SYNPR: variants seen among roughly 807,000 people sequenced by gnomAD.
SYNPR encodes synaptoporin.
In SYNPR, 23 loss-of-function variants were observed where a neutral mutation model predicts 32.9. The ratio of observed to expected loss-of-function variants is 0.70; its 90% confidence interval spans 0.50 to 0.99. The LOEUF (loss-of-function observed/expected upper bound fraction) is 0.99, where lower values mean the gene tolerates loss of function less well. Among genes scored for constraint, SYNPR ranks in the 50% least tolerant of loss-of-function variants. The pLI is 0.00. For synonymous variants in SYNPR, 146 were observed against 135.9 expected (o/e 1.07, Z -0.52); for missense variants, 318 against 349.3 (o/e 0.91, Z 0.71).
upstream of SYNPR, among the ~76,000 whole-genome samples, chr3:63,227,881 G>A (rs11922540): frequency 1.9e-3 from 287 of 152,258 alleles, 1 homozygote; most frequent in African/African-American, 6.3e-3. Context: ...AACTGAGCTC[G>A]TGCTGTCACA....
At chr3:63,266,724 A>C (rs1182369476) in intron 2 of SYNPR, among the ~76,000 whole-genome samples, 1 of 150,830 alleles carries the variant, frequency 6.6e-6, no homozygotes. Context: ...AAAAACACAA[A>C]AAACCACAAA....
chr3:63,343,083 A>G (rs1288083855), intron 2 of SYNPR, among the ~76,000 whole-genome samples: 1 of 152,194 alleles, frequency 6.6e-6, no homozygotes, highest in Non-Finnish European at 1.5e-5. Flanking sequence ...CAGAGGGAGA[A>G]GTTAGTACAA....
intron 3 of SYNPR, among the ~76,000 whole-genome samples, chr3:63,489,442 G>A (rs900100134): frequency 1.3e-5 from 2 of 152,168 alleles, no homozygotes; most frequent in African/African-American, 4.8e-5. Flanking sequence ...GAAATGGTGA[G>A]AACAAGAGAG....
chr3:63,273,608 T>G (rs1033682618), upstream of SYNPR, among the ~76,000 whole-genome samples: 2 of 152,220 alleles, frequency 1.3e-5, no homozygotes, highest in Non-Finnish European at 2.9e-5. Context: ...AAAAATCTAT[T>G]TCATTTGAAA....
intron 3 of SYNPR, among the ~76,000 whole-genome samples, chr3:63,518,406 G>A (rs1304907225): frequency 6.6e-6 from 1 of 152,172 alleles, no homozygotes; most frequent in East Asian, 1.9e-4. Context: ...TTGTTTATGG[G>A]CTCTAACTGT....
intron 4 of SYNPR, among the ~76,000 whole-genome samples, chr3:63,596,905 A>G (rs1488617995): frequency 1.3e-5 from 2 of 152,200 alleles, no homozygotes; most frequent in Non-Finnish European, 2.9e-5. Context: ...GTGGTTATTG[A>G]GCACTGAAAT....
At chr3:63,287,516 G>A (rs75852733) in intron 2 of SYNPR, among the ~76,000 whole-genome samples, 4,253 of 152,154 alleles carry the variant, frequency 0.028, 173 homozygotes, top group African/African-American at 0.096. Flanking sequence ...CAGGGATCTT[G>A]TTGGTCCTGC....
At chr3:63,594,277 G>A (rs1315351983) in intron 4 of SYNPR, among the ~76,000 whole-genome samples, 1 of 152,084 alleles carries the variant, frequency 6.6e-6, no homozygotes, top group Admixed American at 6.6e-5. Context: ...TAGCAGCTTA[G>A]TAACTCTGAG....
At chr3:63,557,611 A>G (rs577960222) in intron 4 of SYNPR, among the ~76,000 whole-genome samples, 2 of 152,360 alleles carry the variant, frequency 1.3e-5, no homozygotes, top group South Asian at 4.1e-4. Flanking sequence ...TTGGCTTTCA[A>G]TAAAATTAAA....
At chr3:63,291,852 T>C (rs1384941124) in intron 2 of SYNPR, among the ~76,000 whole-genome samples, 1 of 148,556 alleles carries the variant, frequency 6.7e-6, no homozygotes, top group African/African-American at 2.4e-5. Context: ...CTCTCTCTCA[T>C]GTGCATATAT....
At chr3:63,579,081 C>T (rs1703043957) in intron 4 of SYNPR, among the ~76,000 whole-genome samples, 1 of 152,142 alleles carries the variant, frequency 6.6e-6, no homozygotes, top group South Asian at 2.1e-4. Flanking sequence ...TAAAGTTCAA[C>T]TGCAATTTCC....
At chr3:63,501,339 AATG>A (rs1701474572) in intron 3 of SYNPR, among the ~76,000 whole-genome samples, 1 of 151,766 alleles carries the variant, frequency 6.6e-6, no homozygotes, top group Non-Finnish European at 1.5e-5. Context: ...ATTATCTGAG[AATG>A]GTGGCATGCC....
chr3:63,209,826 T>G, the SYNPR span, among the ~76,000 whole-genome samples: 4 of 152,196 alleles, frequency 2.6e-5, no homozygotes, highest in African/African-American at 9.7e-5. Flanking sequence ...AATAGCTAAT[T>G]AGGCAATTAG....
At chr3:63,253,802 C>A (rs2086358259) in intron 2 of SYNPR, among the ~76,000 whole-genome samples, 1 of 152,122 alleles carries the variant, frequency 6.6e-6, no homozygotes, top group African/African-American at 2.4e-5. Context: ...TTTGACCCAG[C>A]CATCTCATTA....
intron 3 of SYNPR, among the ~76,000 whole-genome samples, chr3:63,535,011 A>G (rs1011294177): frequency 1.1e-4 from 17 of 152,194 alleles, no homozygotes; most frequent in African/African-American, 4.1e-4. Context: ...AGCCAATCAT[A>G]TCAGAACCCA....
Position 63,357,269 on chromosome 3 carries a change from C to A in SYNPR, c.84+78527C>A, listed in dbSNP as rs544364962. ...TTGAGACCAGAGACCCCTCCCACCC[C>A]AGACGTCCCCTTACCAACATCTCAG... On this transcript the variant is annotated intron_variant, in intron 2 of 5. Coordinates refer to ENST00000478300, the MANE Select transcript of SYNPR (RefSeq NM_001130003.2). Among the ~76,000 whole-genome samples, 7 of 152,256 alleles carry A rather than the reference C, an allele frequency of 4.6e-5. No individual in the cohort carries two copies. In the South Asian group the frequency reaches 1.5e-3, roughly 32 times the overall value.
At chr3:63,611,714 T>C (rs1050737637) in intron 5 of SYNPR, among the ~76,000 whole-genome samples, 1 of 152,206 alleles carries the variant, frequency 6.6e-6, no homozygotes, top group African/African-American at 2.4e-5. Flanking sequence ...CAGCAGAAGA[T>C]AGCCACTCTG....
At chr3:63,329,328 G>A (rs927143888) in intron 2 of SYNPR, among the ~76,000 whole-genome samples, 1 of 152,084 alleles carries the variant, frequency 6.6e-6, no homozygotes, top group Admixed American at 6.6e-5. Context: ...TTTTACGGGT[G>A]GGAAAACTGA....
At chr3:63,379,698 A>C (rs1475570953) in intron 2 of SYNPR, among the ~76,000 whole-genome samples, 1 of 148,456 alleles carries the variant, frequency 6.7e-6, no homozygotes. Flanking sequence ...TCTTTTTTTT[A>C]TTATTATACT....
Sources: allele counts gnomAD v4.1 joint callset (sites outside exome capture counted in the v4.1 genomes callset), GRCh38; gene constraint gnomAD v4.1.1; transcripts MANE v1.5; gene names NCBI Gene and HGNC (gene_info 2026-07-23, HGNC 2026-07-21).